GALNT17: variants seen among roughly 807,000 people sequenced by gnomAD.
GALNT17 encodes the protein polypeptide N-acetylgalactosaminyltransferase 17.
In GALNT17, 29 loss-of-function variants were observed where a neutral mutation model predicts 63.7. That is an observed-to-expected ratio of 0.46 (90% CI 0.34 to 0.62). The LOEUF (loss-of-function observed/expected upper bound fraction) is 0.62. GALNT17 is among the 20% of genes least tolerant of loss of function. The pLI is 0.01. For missense variants in GALNT17, 603 were observed against 799.6 expected (o/e 0.75, Z 2.97); for synonymous variants, 305 against 318.3 (o/e 0.96, Z 0.45).
At chr7:71,297,694 C>T (rs1791107734) in intron 1 of GALNT17, among the ~76,000 whole-genome samples, 1 of 152,174 alleles carries the variant, frequency 6.6e-6, no homozygotes, top group South Asian at 2.1e-4. Flanking sequence ...AGATTTCAAC[C>T]AACAGGTGAA....
chr7:71,179,094 G>C (rs903710230), intron 1 of GALNT17, among the ~76,000 whole-genome samples: 2 of 152,138 alleles, frequency 1.3e-5, no homozygotes, highest in African/African-American at 4.8e-5. Context: ...AAATACCCTG[G>C]GTCCCCAAAA....
chr7:71,370,198 A>T (rs12699035), intron 2 of GALNT17, among the ~76,000 whole-genome samples: 54,749 of 152,188 alleles, frequency 0.36, 10,862 homozygotes, highest in Non-Finnish European at 0.45. Flanking sequence ...GAGCTAACTC[A>T]GTTTCCAAAC....
At chr7:71,454,130 AT>A (rs1167111900) in intron 5 of GALNT17, among the ~76,000 whole-genome samples, 2 of 152,194 alleles carry the variant, frequency 1.3e-5, no homozygotes, top group Non-Finnish European at 2.9e-5. Context: ...TCCAGGGTAC[AT>A]GTGCAGGTTT....
intron 1 of GALNT17, among the ~76,000 whole-genome samples, chr7:71,244,410 A>C (rs1391973513): frequency 1.3e-5 from 2 of 152,122 alleles, no homozygotes; most frequent in Non-Finnish European, 2.9e-5. Context: ...AGTAAGAGAG[A>C]AGAGAGCCTG....
chr7:71,221,382 G>A (rs1187379380), intron 1 of GALNT17, among the ~76,000 whole-genome samples: 1 of 129,086 alleles, frequency 7.7e-6, no homozygotes, highest in Non-Finnish European at 1.6e-5. Context: ...TTACAGCCAT[G>A]CTTTTTTTTT....
In GALNT17 at chr7:71,705,317, T is replaced by G. The variant is rs1260254823; in HGVS notation, c.1501-5444T>G. ...GCAAATTAAAACCACAGTGGCCACT[T>G]CACACTCCTACTAGGATGACTAGAA... On this transcript the variant is annotated intron_variant, in intron 9 of 10. Coordinates refer to ENST00000333538, the MANE Select transcript of GALNT17 (RefSeq NM_022479.3). 3.3e-5 allele frequency among the ~76,000 whole-genome samples: 5 copies of G among 152,306 alleles called. No individual in the cohort carries two copies. The South Asian group carries it at 8.3e-4, about 25-fold the overall frequency.
intron 6 of GALNT17, among the ~76,000 whole-genome samples, chr7:71,649,632 C>G (rs979662085): frequency 6.6e-6 from 1 of 152,022 alleles, no homozygotes; most frequent in Non-Finnish European, 1.5e-5. Flanking sequence ...CACACACACA[C>G]ACACACACAC....
At chr7:71,574,477 G>A (rs1789502237) in intron 6 of GALNT17, among the ~76,000 whole-genome samples, 1 of 152,142 alleles carries the variant, frequency 6.6e-6, no homozygotes, top group African/African-American at 2.4e-5. Flanking sequence ...CTGGAGATGG[G>A]GGAATAATTT....
At chr7:71,315,234 A>G (rs370622902) in intron 1 of GALNT17, among the ~76,000 whole-genome samples, 2 of 152,188 alleles carry the variant, frequency 1.3e-5, no homozygotes, top group East Asian at 1.9e-4. Context: ...ATCATATTCC[A>G]TTGTATGGAT....
Position 71,712,220 on chromosome 7 carries a change from CT to C in GALNT17, c.*75del. 1 of 1,559,338 alleles carries C rather than the reference CT, an allele frequency of 6.4e-7. No individual in the cohort carries two copies. Among genetic ancestry groups the C allele is most frequent in the East Asian group, 2.3e-5 (1 of 43,450 alleles). ...CCCCCCAACATCTGGACCAGCTGCC[CT>C]GGCGGAGAGACAGCAAGGGGCCGGC... On this transcript the variant is annotated 3_prime_UTR_variant, in exon 11 of 11. Transcript: ENST00000333538.
rs371768728 is a variant in GALNT17 at position 71,710,714 on chromosome 7, C to T, written c.1501-47C>T. The T allele has an allele frequency of 9.8e-5, 158 of 1,604,448 alleles. 1 individual carries two copies. In the African/African-American group the frequency reaches 1.9e-3, roughly 19 times the overall value. On this transcript the variant is annotated intron_variant, in intron 9 of 10. Coordinates refer to ENST00000333538, the MANE Select transcript of GALNT17 (RefSeq NM_022479.3). The stretch of plus-strand genomic sequence containing the variant: ...GAGCCCTGCTTCCTCCCATGTCTCA[C>T]TCCTGCCTCCCACTTCCATTCCCCT...
intron 5 of GALNT17, among the ~76,000 whole-genome samples, chr7:71,551,313 G>A (rs527555005): frequency 3.0e-4 from 45 of 152,122 alleles, no homozygotes; most frequent in African/African-American, 1.1e-3. Flanking sequence ...TTTCAAATAT[G>A]TTGTGCTACT....
chr7:71,616,167 C>T (rs1663905812), intron 6 of GALNT17, among the ~76,000 whole-genome samples: 1 of 152,082 alleles, frequency 6.6e-6, no homozygotes, highest in South Asian at 2.1e-4. Context: ...CAGAATGCGC[C>T]TGGCAGGTGG....
intron 5 of GALNT17, among the ~76,000 whole-genome samples, chr7:71,487,577 GT>G (rs1455945594): frequency 6.6e-6 from 1 of 152,136 alleles, no homozygotes; most frequent in Non-Finnish European, 1.5e-5. Context: ...TTTGAGACCA[GT>G]GTGGGCAACA....
chr7:71,506,467 A>G (rs1175355235), intron 5 of GALNT17, among the ~76,000 whole-genome samples: 4 of 152,008 alleles, frequency 2.6e-5, no homozygotes, highest in African/African-American at 4.8e-5. Flanking sequence ...GGGTTTCACC[A>G]TATTGGCCAG....
At chr7:71,140,753 G>A (rs1021377076) in intron 1 of GALNT17, among the ~76,000 whole-genome samples, 2 of 152,322 alleles carry the variant, frequency 1.3e-5, no homozygotes, top group East Asian at 3.9e-4. Flanking sequence ...CAGGCACAGT[G>A]GCTCACGCCT....
chr7:71,211,281 A>G (rs1789372473), intron 1 of GALNT17, among the ~76,000 whole-genome samples: 1 of 152,136 alleles, frequency 6.6e-6, no homozygotes, highest in South Asian at 2.1e-4. Context: ...AAGTCTCACG[A>G]GATCTGATGG....
chr7:71,458,334 C>T (rs1051420784), intron 5 of GALNT17, among the ~76,000 whole-genome samples: 8 of 152,198 alleles, frequency 5.3e-5, no homozygotes, highest in African/African-American at 1.9e-4. Context: ...TGTCTGTTCG[C>T]CACCCTTAAT....
At chr7:71,504,665 G>T (rs952074168) in intron 5 of GALNT17, among the ~76,000 whole-genome samples, 6 of 151,914 alleles carry the variant, frequency 3.9e-5, no homozygotes, top group Non-Finnish European at 8.8e-5. Context: ...TATTTACCTA[G>T]TTTACTTATT....
Sources: allele counts gnomAD v4.1 joint callset (sites outside exome capture counted in the v4.1 genomes callset), GRCh38; gene constraint gnomAD v4.1.1; transcripts MANE v1.5; gene names NCBI Gene and HGNC (gene_info 2026-07-23, HGNC 2026-07-21).